RIC8B: variants seen among roughly 807,000 people sequenced by gnomAD.
The protein encoded by RIC8B is chaperone Ric-8B.
In RIC8B, 16 loss-of-function variants were observed where a neutral mutation model predicts 57.5. The observed-to-expected ratio is 0.28, with a 90% confidence interval of 0.19 to 0.42. The LOEUF (loss-of-function observed/expected upper bound fraction) is 0.42, where lower values mean the gene tolerates loss of function less well. Among genes scored for constraint, RIC8B ranks in the 10% least tolerant of loss-of-function variants. The pLI is 1.00. For missense variants in RIC8B, 481 were observed against 677.0 expected (o/e 0.71, Z 3.21); for synonymous variants, 216 against 250.8 (o/e 0.86, Z 1.31).
chr12:106,777,201 A>G (rs985204389), intron 1 of RIC8B, among the ~76,000 whole-genome samples: 1 of 152,210 alleles, frequency 6.6e-6, no homozygotes, highest in Non-Finnish European at 1.5e-5. Flanking sequence ...TAGTAGGGCC[A>G]GTATAGTAGG....
At chr12:106,847,474 T>G (rs1162313295) in intron 6 of RIC8B, among the ~76,000 whole-genome samples, 1 of 152,228 alleles carries the variant, frequency 6.6e-6, no homozygotes, top group Non-Finnish European at 1.5e-5. Flanking sequence ...TCAATAATGG[T>G]TCACAGTAGT....
chr12:106,864,970 ATGT>A (rs1470811480), intron 8 of RIC8B, among the ~76,000 whole-genome samples: 8 of 152,212 alleles, frequency 5.3e-5, no homozygotes, highest in Non-Finnish European at 8.8e-5. Context: ...AGATTCGTTC[ATGT>A]TGTGGCACAT....
chr12:106,884,081 CTG>C (rs1951073851), intron 9 of RIC8B, among the ~76,000 whole-genome samples: 1 of 152,198 alleles, frequency 6.6e-6, no homozygotes, highest in Non-Finnish European at 1.5e-5. Flanking sequence ...CTGAAATGCT[CTG>C]TGCCCATCTG....
chr12:106,874,302 T>C (rs1038807825), intron 9 of RIC8B, among the ~76,000 whole-genome samples: 5 of 152,214 alleles, frequency 3.3e-5, no homozygotes, highest in African/African-American at 9.6e-5. Context: ...ACGTTCTGCA[T>C]TCAACCAAGT....
At chr12:106,797,873 C>T (rs1368074953) in intron 2 of RIC8B, 1 of 441,224 alleles carries the variant, frequency 2.3e-6, no homozygotes, top group East Asian at 3.5e-5. Context: ...GCTTAGGCAG[C>T]CTGGCTCCAA....
At chr12:106,862,804 C>T (rs1226719493) in intron 8 of RIC8B, among the ~76,000 whole-genome samples, 1 of 152,124 alleles carries the variant, frequency 6.6e-6, no homozygotes, top group Non-Finnish European at 1.5e-5. Context: ...TTGTATGGAG[C>T]TTACATTCAG....
At chr12:106,811,070 C>G (rs1441359097) in intron 2 of RIC8B, among the ~76,000 whole-genome samples, 1 of 152,214 alleles carries the variant, frequency 6.6e-6, no homozygotes, top group Admixed American at 6.5e-5. Flanking sequence ...TGACCTTAAA[C>G]AAGTAATATG....
intron 4 of RIC8B, among the ~76,000 whole-genome samples, chr12:106,831,601 C>T (rs1183117993): frequency 6.6e-6 from 1 of 152,196 alleles, no homozygotes; most frequent in African/African-American, 2.4e-5. Flanking sequence ...CCTTCAAATA[C>T]ATCTTAGCAT....
rs560087602 is a variant in RIC8B at position 106,882,185 on chromosome 12, A to C, written c.1572-3719A>C. Among the ~76,000 whole-genome samples the C allele has an allele frequency of 9.2e-5, 14 of 152,324 alleles. No homozygotes were observed. In the East Asian group the frequency reaches 2.7e-3, roughly 29 times the overall value. On this transcript the variant is annotated intron_variant, in intron 9 of 9. Transcript: ENST00000392837. ...CTTCTGTAAGCACTTAAGGGACAGG[A>C]ACGACAATTTGTGGGTTCTAACTAC...
chr12:106,805,346 A>G (rs2136244137), intron 2 of RIC8B, among the ~76,000 whole-genome samples: 1 of 152,182 alleles, frequency 6.6e-6, no homozygotes, highest in South Asian at 2.1e-4. Context: ...CACCCTTAAA[A>G]TCTTTCCTCT....
At chr12:106,809,415 C>T (rs904733190) in intron 2 of RIC8B, among the ~76,000 whole-genome samples, 2 of 150,654 alleles carry the variant, frequency 1.3e-5, no homozygotes, top group African/African-American at 4.9e-5. Context: ...CCCAGCTATT[C>T]AGGAGGCTGA....
chr12:106,784,195 T>C, intron 2 of RIC8B, 151 bp downstream of exon 2: 1 of 714,430 alleles, frequency 1.4e-6, no homozygotes, highest in East Asian at 2.7e-5. Context: ...GAAGAAAGGT[T>C]AGGTTAGGTT....
intron 6 of RIC8B, among the ~76,000 whole-genome samples, chr12:106,846,208 AG>A (rs1266547767): frequency 6.6e-6 from 1 of 152,198 alleles, no homozygotes; most frequent in Non-Finnish European, 1.5e-5. Context: ...GATGTATAGT[AG>A]GTATCTCAAG....
At chr12:106,846,848 A>G (rs1008607522) in intron 6 of RIC8B, among the ~76,000 whole-genome samples, 12 of 152,294 alleles carry the variant, frequency 7.9e-5, no homozygotes, top group African/African-American at 9.6e-5. Context: ...CAGTAGAGGT[A>G]TGGAGATGAA....
intron 2 of RIC8B, among the ~76,000 whole-genome samples, chr12:106,799,629 T>C (rs531401742): frequency 2.0e-4 from 31 of 152,336 alleles, no homozygotes; most frequent in Non-Finnish European, 3.5e-4. Flanking sequence ...GCATGTGAGA[T>C]AGATACATTT....
chr12:106,804,279 A>G (rs1283279184), intron 2 of RIC8B, among the ~76,000 whole-genome samples: 1 of 148,352 alleles, frequency 6.7e-6, no homozygotes, highest in Non-Finnish European at 1.5e-5. Flanking sequence ...CAATGGCGTG[A>G]TCTCTGCTCA....
chr12:106,842,905 T>C, intron 5 of RIC8B, 88 bp downstream of exon 5: 1 of 774,242 alleles, frequency 1.3e-6, no homozygotes, highest in Non-Finnish European at 2.1e-6. Flanking sequence ...CAGAGCATGA[T>C]TTTTAAATCT....
rs1330357716 is a variant in RIC8B, at chr12:106,886,000, C to T, written c.1668C>T (p.Ser556=). 1.2e-6 allele frequency: 2 copies of T among 1,611,330 alleles called. No individual in the cohort carries two copies. The highest frequency in any genetic ancestry group is 1.7e-6 in the Non-Finnish European group (2 of 1,177,634). The change falls in exon 10 of 10, where the codon AGC becomes AGT. Residue 556 remains serine, a synonymous_variant. Transcript: ENST00000392837. ...AGTACTCTGTCATCGAAGAGACCAG[C>T]TCTGACACAGACTAAAAGCATCACC... The part of the protein sequence containing the change: ...LNQYSVIEET[S]SDTD
chr12:106,774,852 G>A (rs753810617), intron 1 of RIC8B, 23 bp downstream of exon 1: 6 of 1,534,090 alleles, frequency 3.9e-6, no homozygotes, highest in South Asian at 2.4e-5. Context: ...GGCCCCGGGC[G>A]TGCGGTATCG....
Sources: gnomAD v4.1 joint callset for allele counts (sites outside exome capture counted in the v4.1 genomes callset) on GRCh38, gnomAD v4.1.1 for gene constraint, MANE v1.5 for transcripts, NCBI Gene and HGNC (gene_info 2026-07-23, HGNC 2026-07-21) for gene names.